Variants in KNG1 observed in about 807,000 individuals in gnomAD.
KNG1 encodes kininogen-1.
Under a neutral mutation model 47.8 loss-of-function variants are expected in KNG1, and 23 were observed. That is an observed-to-expected ratio of 0.48 (90% CI 0.35 to 0.68). The LOEUF (loss-of-function observed/expected upper bound fraction) is 0.68, where lower values mean the gene tolerates loss of function less well. KNG1 is among the 30% of genes least tolerant of loss of function. KNG1 has a pLI of 0.01. For missense variants in KNG1, 762 were observed against 790.2 expected, an observed-to-expected ratio of 0.96 and a Z score of 0.43; for synonymous variants, 277 against 277.0, an observed-to-expected ratio of 1.00 and a Z score of 0.00.
chr3:186,725,145 C>T lies in KNG1; in HGVS notation c.449C>T (p.Ser150Leu), dbSNP rs1397645777. The change falls in exon 4 of 10, where the codon TCA (serine) becomes TTA (leucine). Residue 150 changes from serine to leucine, a missense_variant. Physicochemically the swap from Ser to Leu is moderately radical, Grantham distance 145. Transcript: ENST00000644859. ...TGCCTCGGCTGTGTGCATCCTATAT[C>T]AACGCAGAGCCCAGACCTGGAGCCC... is the stretch of plus-strand genomic sequence containing the variant. ...YDCLGCVHPI[S>L]TQSPDLEPIL... The T allele has an allele frequency of 1.2e-6, 2 of 1,614,054 alleles. No individual in the cohort carries two copies. The highest frequency in any genetic ancestry group is 1.7e-5 in the Admixed American group (1 of 59,992).
chr3:186,720,392 T>TCA, intron 2 of KNG1, 177 bp downstream of exon 2: 1 of 622,836 alleles, frequency 1.6e-6, no homozygotes, highest in South Asian at 1.9e-5. Flanking sequence ...GACAGAAAAA[T>TCA]CATGGAGAAG....
Position 186,742,143 on chromosome 3 carries a change from A to G in KNG1, c.1747A>G (p.Ser583Gly). 1 of 1,614,148 alleles carries G rather than the reference A, an allele frequency of 6.2e-7. No homozygotes were observed. Among genetic ancestry groups the G allele is most frequent in the Non-Finnish European group, 8.5e-7 (1 of 1,180,022 alleles). ...TCCTATATCACCAGCTCCCATACAG[A>G]GTGATGACGATTGGATCCCTGATAT... is the stretch of plus-strand genomic sequence containing the variant. ...MPPISPAPIQ[S>G]DDDWIPDIQI... The change falls in exon 10 of 10, where the codon AGT (serine) becomes GGT (glycine). Residue 583 changes from serine (S) to glycine (G), a missense_variant. Transcript: ENST00000644859.
intron 1 of KNG1, chr3:186,718,583 A>C (rs1322027418): frequency 1.3e-5 from 2 of 151,616 alleles, no homozygotes; most frequent in Non-Finnish European, 2.9e-5. Flanking sequence ...GGGTGAAATG[A>C]AACAAAAGTA....
chr3:186,722,595 C>G (rs1720236440), intron 3 of KNG1, 74 bp downstream of exon 3: 4 of 1,186,562 alleles, frequency 3.4e-6, no homozygotes, highest in Non-Finnish European at 4.9e-6. Flanking sequence ...ACAATCTTGA[C>G]CAGGCTCTGC....
chr3:186,729,759 G>C (rs975590339), intron 5 of KNG1, among the ~76,000 whole-genome samples: 1 of 151,556 alleles, frequency 6.6e-6, no homozygotes, highest in African/African-American at 2.4e-5. Flanking sequence ...TGCAACCTCC[G>C]CCTCCCGGGT....
chr3:186,733,474 T>C (rs1720593733), intron 7 of KNG1, among the ~76,000 whole-genome samples: 1 of 152,040 alleles, frequency 6.6e-6, no homozygotes, highest in Non-Finnish European at 1.5e-5. Flanking sequence ...GGGATCCCGC[T>C]CTCCTGCAAA....
At chr3:186,725,342 T>C in intron 4 of KNG1, 82 bp downstream of exon 4, 1 of 1,384,770 alleles carries the variant, frequency 7.2e-7, no homozygotes, top group Non-Finnish European at 1.0e-6. Flanking sequence ...ATTGCATGGC[T>C]GGTGGTGTTT....
At chr3:186,722,788 T>A (rs1010183924) in intron 3 of KNG1, among the ~76,000 whole-genome samples, 2 of 152,148 alleles carry the variant, frequency 1.3e-5, no homozygotes, top group Non-Finnish European at 2.9e-5. Context: ...CCAGAAGACA[T>A]AAGACCTGCC....
Position 186,739,386 on chromosome 3 carries a change from C to T in KNG1, c.1097C>T (p.Pro366Leu). ...YVVPWEKKIY[P>L]TVNCQPLGMI... is the part of the protein sequence containing the mutation. ...GTACCCTGGGAGAAAAAAATTTACC[C>T]TACTGTCAACTGTCAACCACTGGGA... is the stretch of plus-strand genomic sequence containing the variant. The change falls in exon 9 of 10, where the codon CCT (proline) becomes CTT (leucine). Residue 366 changes from proline to leucine, a missense_variant. Physicochemically the swap from Pro to Leu is moderately conservative, Grantham distance 98 (BLOSUM62 -3). Coordinates refer to ENST00000644859, the MANE Select transcript of KNG1 (RefSeq NM_001102416.3). 1.2e-6 allele frequency: 2 copies of T among 1,612,526 alleles called. No homozygotes were observed. The highest frequency in any genetic ancestry group is 1.7e-6 in the Non-Finnish European group (2 of 1,178,506).
chr3:186,739,032 C>T, intron 7 of KNG1, 67 bp from the exon 8 acceptor site: 5 of 1,296,200 alleles, frequency 3.9e-6, no homozygotes, highest in Non-Finnish European at 5.5e-6. Context: ...CTTAACATTT[C>T]TTAAAGATAA....
chr3:186,717,687 C>G lies in KNG1; in HGVS notation c.145C>G (p.Gln49Glu). 5 of 1,613,018 alleles carry G rather than the reference C, an allele frequency of 3.1e-6. No homozygotes were observed. The highest frequency in any genetic ancestry group is 4.2e-6 in the Non-Finnish European group (5 of 1,179,820). Residue 49 changes from glutamine (Q) to glutamate (E), a missense_variant, in exon 1 of 10, where the codon CAA becomes GAA. Transcript: ENST00000644859. ...AALKKYNSQN[Q>E]SNNQFVLYRI... The stretch of plus-strand genomic sequence containing the variant: ...TCTGAAGAAATATAACAGTCAAAAC[C>G]AAAGTAACAACCAGTTTGTATTGTA...
rs1156500082 is a variant in KNG1, at chr3:186,738,854, A to AG, written c.931-245_931-244insG. 4.9e-4 allele frequency: 201 copies of AG among 406,148 alleles called. 1 individual carries two copies. The highest frequency in any genetic ancestry group is 1.1e-4 in the Non-Finnish European group (24 of 221,342). The allele number at this position is 406,148 out of a possible 1,614,324, so 25.2% of individuals were successfully genotyped here. A position where few individuals can be genotyped will look rare whatever the true frequency, so the allele number is the denominator to read the frequency against. On this transcript the variant is annotated intron_variant, in intron 7 of 9. Coordinates refer to ENST00000644859, the MANE Select transcript of KNG1 (RefSeq NM_001102416.3). Reference sequence around the variant, plus strand: ...AGAGCGAAACTCCATCTCAAAAAAAAAAAATAAAGAAAATTATAGCTTGCT... The same window carrying AG: ...AGAGCGAAACTCCATCTCAAAAAAAAGAAAATAAAGAAAATTATAGCTTGCT...
In KNG1 at chr3:186,722,495, C is replaced by T; in HGVS notation, c.365C>T (p.Ala122Val). 1.2e-6 allele frequency: 2 copies of T among 1,613,870 alleles called. No homozygotes were observed. The highest frequency in any genetic ancestry group is 1.7e-5 in the Admixed American group (1 of 60,026). Reference sequence around the variant, plus strand: ...AGGAGCAGTACGAAATTCTCCGTGGCTACCCAGACCTGCCAGATTACTCCA... The same window carrying T: ...AGGAGCAGTACGAAATTCTCCGTGGTTACCCAGACCTGCCAGATTACTCCA... ...GKRSSTKFSV[A>V]TQTCQITPAE... The change falls in exon 3 of 10, where the codon GCT (alanine) becomes GTT (valine). Residue 122 changes from alanine to valine, a missense_variant. Physicochemically the swap from Ala to Val is moderately conservative, Grantham distance 64. Transcript: ENST00000644859.
chr3:186,733,718 C>T (rs979875552), intron 7 of KNG1, among the ~76,000 whole-genome samples: 1 of 152,120 alleles, frequency 6.6e-6, no homozygotes, highest in Non-Finnish European at 1.5e-5. Context: ...CCTATAATCC[C>T]AGCACTTTGG....
In KNG1 at chr3:186,743,748, CA is replaced by C. The variant is rs1720873419; in HGVS notation, c.*1418del. On this transcript the variant is annotated 3_prime_UTR_variant, in exon 10 of 10. Coordinates refer to ENST00000644859, the MANE Select transcript of KNG1 (RefSeq NM_001102416.3). ...GAGTACAAGGGTCGACCCCCAAAGGCAGGGGCAGAGCCAGCATCTGAGAGGG... is the reference window on the plus strand; with the variant it reads ...GAGTACAAGGGTCGACCCCCAAAGGCGGGGCAGAGCCAGCATCTGAGAGGG... The C allele has an allele frequency of 6.2e-7, 1 of 1,614,112 alleles. No individual in the cohort carries two copies. The highest frequency in any genetic ancestry group is 8.5e-7 in the Non-Finnish European group (1 of 1,179,988).
chr3:186,744,150 G>T lies in KNG1; in HGVS notation c.*1819G>T. ...GAGTTAGTAGGTCATGCTTCTACCAGTAATCTAAGGACTCTCTCCTTCTCT... is the reference window on the plus strand; with the variant it reads ...GAGTTAGTAGGTCATGCTTCTACCATTAATCTAAGGACTCTCTCCTTCTCT... On this transcript the variant is annotated 3_prime_UTR_variant, in exon 10 of 10. Coordinates refer to ENST00000644859, the MANE Select transcript of KNG1 (RefSeq NM_001102416.3). The T allele has an allele frequency of 3.5e-6, 1 of 289,152 alleles. No homozygotes were observed. The highest frequency in any genetic ancestry group is 6.7e-6 in the Non-Finnish European group (1 of 148,900). 17.9% of individuals were successfully genotyped at this position (289,152 alleles called of 1,614,324 possible). A position where few individuals can be genotyped will look rare whatever the true frequency, so the allele number is the denominator to read the frequency against.
At chr3:186,727,744 G>A (rs1720413222) in intron 5 of KNG1, among the ~76,000 whole-genome samples, 1 of 151,946 alleles carries the variant, frequency 6.6e-6, no homozygotes, top group Non-Finnish European at 1.5e-5. Flanking sequence ...GCTAATTTTT[G>A]TATTTATAGT....
chr3:186,722,317 A>G (rs753173495), intron 2 of KNG1, 120 bp from the exon 3 acceptor site: 30 of 797,582 alleles, frequency 3.8e-5, no homozygotes, highest in Non-Finnish European at 5.8e-5. Flanking sequence ...CTCTTTTGGT[A>G]AAATCTTCAC....
chr3:186,743,816 T>G lies in KNG1; in HGVS notation c.*1485T>G. The G allele has an allele frequency of 6.6e-7, 1 of 1,510,156 alleles. No homozygotes were observed. Among genetic ancestry groups the G allele is most frequent in the African/African-American group, 1.4e-5 (1 of 72,908 alleles). 93.5% of individuals were successfully genotyped at this position (1,510,156 alleles called of 1,614,324 possible). A position where few individuals can be genotyped will look rare whatever the true frequency, so the allele number is the denominator to read the frequency against. ...GGGCAGAATCTTCACTCCAGGCACA[T>G]AGCCCCAACCACCTCTGCCAGCAAC... On this transcript the variant is annotated 3_prime_UTR_variant, in exon 10 of 10. Coordinates refer to ENST00000644859, the MANE Select transcript of KNG1 (RefSeq NM_001102416.3).
Sources: allele counts gnomAD v4.1 joint callset (sites outside exome capture counted in the v4.1 genomes callset), GRCh38; gene constraint gnomAD v4.1.1; transcripts MANE v1.5; gene names NCBI Gene and HGNC (gene_info 2026-07-23, HGNC 2026-07-21).